The following EYA2 variants were observed in gnomAD, a reference collection of about 807,000 sequenced individuals.
EYA2 encodes EYA transcriptional coactivator and phosphatase 2.
EYA2 carries 31 observed loss-of-function variants against 69.2 expected under a neutral mutation model. The observed-to-expected ratio is 0.45, with a 90% CI of 0.34 to 0.60. The LOEUF (loss-of-function observed/expected upper bound fraction) is 0.60, where lower values mean the gene tolerates loss of function less well. Among genes scored for constraint, EYA2 ranks in the 20% least tolerant of loss-of-function variants. The pLI is 0.02. For missense variants in EYA2, 622 were observed against 701.2 expected, an observed-to-expected ratio of 0.89 and a Z score of 1.28; for synonymous variants, 257 against 279.4, an observed-to-expected ratio of 0.92 and a Z score of 0.80.
chr20:47,097,623 CT>C (rs2032292001), intron 9 of EYA2, among the ~76,000 whole-genome samples: 1 of 152,176 alleles, frequency 6.6e-6, no homozygotes, highest in Non-Finnish European at 1.5e-5. Flanking sequence ...CAGTGTGGAT[CT>C]TAGCAATCGT....
chr20:47,088,078 T>C (rs1234104840), intron 7 of EYA2, among the ~76,000 whole-genome samples: 1 of 151,908 alleles, frequency 6.6e-6, no homozygotes, highest in Non-Finnish European at 1.5e-5. Context: ...CTACTAAAAA[T>C]ACAAAAATTA....
intron 2 of EYA2, among the ~76,000 whole-genome samples, chr20:46,992,754 T>C (rs779947661): frequency 6.6e-6 from 1 of 152,130 alleles, no homozygotes; most frequent in Non-Finnish European, 1.5e-5. Flanking sequence ...GAGAGGTTGC[T>C]CCCAAATTCA....
At chr20:47,103,342 T>A (rs1211763380) in intron 9 of EYA2, among the ~76,000 whole-genome samples, 2 of 152,192 alleles carry the variant, frequency 1.3e-5, no homozygotes, top group Non-Finnish European at 2.9e-5. Context: ...ATATTTCATA[T>A]AAAGGGAATC....
At chr20:47,162,742 C>T (rs576543347) in intron 10 of EYA2, among the ~76,000 whole-genome samples, 2 of 152,028 alleles carry the variant, frequency 1.3e-5, no homozygotes, top group African/African-American at 2.4e-5. Flanking sequence ...TGGTCTCAAA[C>T]TCTTGGGCTC....
chr20:46,895,342 G>A (rs1027080780), intron 1 of EYA2, among the ~76,000 whole-genome samples: 5 of 152,204 alleles, frequency 3.3e-5, no homozygotes, highest in African/African-American at 9.6e-5. Context: ...GTTCGATTAT[G>A]GTCCCGGCGG....
chr20:47,163,036 CT>C (rs11435504), intron 10 of EYA2, among the ~76,000 whole-genome samples: 39 of 146,368 alleles, frequency 2.7e-4, no homozygotes, highest in Admixed American at 4.1e-4. Flanking sequence ...GTGTATCACT[CT>C]TTTTTTTTTT....
rs143849514 is a variant in EYA2 at position 47,149,192 on chromosome 20, TGATTAAA to T, written c.978+6048_978+6054del. 3.0e-3 allele frequency among the ~76,000 whole-genome samples: 460 copies of T among 152,304 alleles called. 5 individuals carry two copies. Among genetic ancestry groups the T allele is most frequent in the African/African-American group, 0.011 (439 of 41,554 alleles). On this transcript the variant is annotated intron_variant, in intron 10 of 15. Coordinates refer to ENST00000327619, the MANE Select transcript of EYA2 (RefSeq NM_005244.5). ...AATGGCTGAAATTTTATAGGCAGTG[TGATTAAA>T]GATGATTCCAAATTTCAGCAAGGGG...
At chr20:47,049,885 G>A (rs111693437) in intron 5 of EYA2, among the ~76,000 whole-genome samples, 9 of 143,430 alleles carry the variant, frequency 6.3e-5, no homozygotes, top group African/African-American at 2.1e-4. Flanking sequence ...CCACCAGTCT[G>A]TCTTTCTCTC....
At chr20:47,002,603 T>A (rs1161137946) in intron 3 of EYA2, among the ~76,000 whole-genome samples, 2 of 152,244 alleles carry the variant, frequency 1.3e-5, no homozygotes, top group African/African-American at 2.4e-5. Flanking sequence ...ACCCAGTCTA[T>A]CATTGATGGG....
chr20:47,068,218 G>A (rs2031186164), intron 5 of EYA2, among the ~76,000 whole-genome samples: 1 of 152,206 alleles, frequency 6.6e-6, no homozygotes, highest in African/African-American at 2.4e-5. Flanking sequence ...CTAATACAGT[G>A]CTTGGTGCAT....
chr20:47,009,122 C>T (rs1449698110), intron 4 of EYA2, among the ~76,000 whole-genome samples: 1 of 152,172 alleles, frequency 6.6e-6, no homozygotes, highest in Non-Finnish European at 1.5e-5. Context: ...CAGGGCCCAC[C>T]CCAAGAGAAA....
chr20:47,032,642 C>T lies in EYA2; in HGVS notation c.415+16345C>T, dbSNP rs114957288. Among the ~76,000 whole-genome samples the T allele has an allele frequency of 2.2e-3, 330 of 152,300 alleles. 1 individual carries two copies. Among genetic ancestry groups the T allele is most frequent in the African/African-American group, 7.7e-3 (320 of 41,546 alleles). On this transcript the variant is annotated intron_variant, in intron 5 of 15. Coordinates refer to ENST00000327619, the MANE Select transcript of EYA2 (RefSeq NM_005244.5). ...AACCCACTTTAGTCTCTTGTTTGGC[C>T]TCTGCAGACGCTGCAGTACTGCATC... is the stretch of plus-strand genomic sequence containing the variant.
At chr20:47,078,331 G>GCGCACACACACACA (rs1474691098) in intron 7 of EYA2, among the ~76,000 whole-genome samples, 2 of 123,734 alleles carry the variant, frequency 1.6e-5, no homozygotes, top group East Asian at 4.5e-4. Flanking sequence ...GCGCGCGCGC[G>GCGCACACACACACA]CACACACACA....
At chr20:46,968,842 C>G (rs147334812) in intron 1 of EYA2, among the ~76,000 whole-genome samples, 2,304 of 152,242 alleles carry the variant, frequency 0.015, 31 homozygotes, top group Non-Finnish European at 0.024. Context: ...CTGCCAGTCA[C>G]CTGGGTCGCT....
intron 5 of EYA2, 142 bp from the exon 6 acceptor site, chr20:47,072,043 C>A: frequency 1.3e-6 from 1 of 747,802 alleles, no homozygotes; most frequent in Non-Finnish European, 2.3e-6. Context: ...TGGTGTGAGG[C>A]ATTACCACTA....
chr20:46,989,918 A>G, intron 1 of EYA2, 83 bp from the exon 2 acceptor site: 1 of 715,138 alleles, frequency 1.4e-6, no homozygotes, highest in Middle Eastern at 2.8e-4. Flanking sequence ...TGTAATATTT[A>G]TACTCTTAGG....
At chr20:46,959,512 G>A (rs568909754) in intron 1 of EYA2, among the ~76,000 whole-genome samples, 6 of 152,286 alleles carry the variant, frequency 3.9e-5, no homozygotes, top group African/African-American at 9.6e-5. Flanking sequence ...TTAGCTGATC[G>A]CAGTGAGGCC....
intron 9 of EYA2, among the ~76,000 whole-genome samples, chr20:47,114,472 G>A (rs1453016047): frequency 1.3e-5 from 2 of 152,246 alleles, no homozygotes; most frequent in East Asian, 1.9e-4. Flanking sequence ...AAAATTAGCC[G>A]AGAGTGGTGG....
chr20:46,926,571 A>G (rs978442357), intron 1 of EYA2, among the ~76,000 whole-genome samples: 1 of 152,174 alleles, frequency 6.6e-6, no homozygotes, highest in Non-Finnish European at 1.5e-5. Context: ...GGGGAGGGCC[A>G]TGTACTTTAC....
Sources: allele counts gnomAD v4.1 joint callset (sites outside exome capture counted in the v4.1 genomes callset), GRCh38; gene constraint gnomAD v4.1.1; transcripts MANE v1.5; gene names NCBI Gene and HGNC (gene_info 2026-07-23, HGNC 2026-07-21).